The following CDK19 variants were observed in gnomAD, a reference collection of about 807,000 sequenced individuals.
CDK19 encodes cyclin-dependent kinase 19.
CDK19 carries 20 observed loss-of-function variants against 68.3 expected under a neutral mutation model. The observed-to-expected ratio is 0.29, with a 90% CI of 0.21 to 0.43. CDK19 has a LOEUF of 0.43. Among genes scored for constraint, CDK19 ranks in the 20% least tolerant of loss-of-function variants. CDK19 has a pLI of 1.00. For missense variants in CDK19, 339 were observed against 623.5 expected (o/e 0.54, Z 4.86); for synonymous variants, 221 against 222.8 (o/e 0.99, Z 0.07).
chr6:110,645,548 G>T (rs562932166), intron 4 of CDK19, among the ~76,000 whole-genome samples: 1 of 152,330 alleles, frequency 6.6e-6, no homozygotes, highest in African/African-American at 2.4e-5. Context: ...GAAAGTAGAA[G>T]TAGAAAGATA....
chr6:110,660,604 G>A (rs1257535052), intron 4 of CDK19, among the ~76,000 whole-genome samples: 4 of 149,814 alleles, frequency 2.7e-5, no homozygotes, highest in Admixed American at 2.7e-4. Context: ...CAGCAGGAAG[G>A]GGAGCTGAAA....
At chr6:110,646,456 C>A (rs1047575465) in intron 4 of CDK19, 2 of 1,493,300 alleles carry the variant, frequency 1.3e-6, no homozygotes, top group Non-Finnish European at 1.8e-6. Context: ...ACCGCCTCAT[C>A]CCTGAGGCCC....
rs147197667 is a variant in CDK19 at position 110,740,710 on chromosome 6, C to T, written c.204+5416G>A. The stretch of plus-strand genomic sequence containing the variant: ...TGAAATGTTCATTCCTAATTATTTC[C>T]GCCTTAAAATCCTCTCAGCTATGTG... On this transcript the variant is annotated intron_variant, in intron 2 of 12. Transcript: ENST00000368911. Among the ~76,000 whole-genome samples the T allele has an allele frequency of 1.2e-4, 18 of 152,116 alleles. 1 individual carries two copies. The East Asian group carries it at 3.1e-3, about 26-fold the overall frequency.
At chr6:110,749,274 T>A (rs933277039) in intron 1 of CDK19, among the ~76,000 whole-genome samples, 1 of 152,196 alleles carries the variant, frequency 6.6e-6, no homozygotes, top group African/African-American at 2.4e-5. Context: ...CTCTCAGCAG[T>A]CACAATGAAA....
At chr6:110,717,436 C>A (rs1582937449) in intron 2 of CDK19, among the ~76,000 whole-genome samples, 1 of 152,122 alleles carries the variant, frequency 6.6e-6, no homozygotes, top group East Asian at 1.9e-4. Context: ...GTAGTATATA[C>A]ATTTATACTA....
At chr6:110,791,394 G>A (rs1400191276) in intron 1 of CDK19, among the ~76,000 whole-genome samples, 1 of 152,032 alleles carries the variant, frequency 6.6e-6, no homozygotes, top group African/African-American at 2.4e-5. Context: ...TGATGGAAGG[G>A]TTGTAGATGT....
chr6:110,638,054 C>T (rs540461882), intron 5 of CDK19, among the ~76,000 whole-genome samples: 1 of 148,474 alleles, frequency 6.7e-6, no homozygotes, highest in East Asian at 1.9e-4. Context: ...ATAAATGATG[C>T]TGATTTTTTT....
intron 2 of CDK19, among the ~76,000 whole-genome samples, chr6:110,687,857 T>C (rs1245133023): frequency 6.6e-6 from 1 of 152,230 alleles, no homozygotes; most frequent in African/African-American, 2.4e-5. Flanking sequence ...TGTTTTGCAG[T>C]GCACCTAAGG....
intron 2 of CDK19, chr6:110,707,001 A>AAC (rs2114670398): frequency 7.0e-6 from 1 of 142,558 alleles, no homozygotes; most frequent in East Asian, 4.7e-4. Flanking sequence ...TTTACAGTTA[A>AAC]AAAAAAAAAA....
At chr6:110,720,908 T>C (rs1267046155) in intron 2 of CDK19, among the ~76,000 whole-genome samples, 5 of 151,320 alleles carry the variant, frequency 3.3e-5, no homozygotes, top group African/African-American at 1.2e-4. Flanking sequence ...TTACATGCTA[T>C]ACACGTCAAA....
At chr6:110,617,705 A>ACACACACACAC (rs1778422939) in intron 12 of CDK19, among the ~76,000 whole-genome samples, 4 of 143,914 alleles carry the variant, frequency 2.8e-5, no homozygotes, top group Admixed American at 6.9e-5. Flanking sequence ...ACACACACAC[A>ACACACACACAC]AATTAGCCGG....
chr6:110,736,139 C>T (rs1777235657), intron 2 of CDK19, among the ~76,000 whole-genome samples: 1 of 152,184 alleles, frequency 6.6e-6, no homozygotes, highest in East Asian at 1.9e-4. Context: ...GTTGGGAGTT[C>T]GAGACCAGCC....
intron 3 of CDK19, among the ~76,000 whole-genome samples, chr6:110,668,935 C>T (rs1038336727): frequency 5.3e-5 from 8 of 151,554 alleles, no homozygotes; most frequent in Non-Finnish European, 1.2e-4. Flanking sequence ...AGTAAAATGT[C>T]AGTTTATTGC....
At position 110,645,109 on chromosome 6, in the gene CDK19, T is replaced by A. The variant is rs553403078; in HGVS notation, c.457-6403A>T. 7.9e-5 allele frequency among the ~76,000 whole-genome samples: 12 copies of A among 152,252 alleles called. No homozygotes were observed. In the East Asian group the frequency reaches 1.2e-3, roughly 15 times the overall value. ...CAAAGGATACAATTAACTAGGATGA[T>A]CTAGAGAGCATATACACAACTTTCT... On this transcript the variant is annotated intron_variant, in intron 4 of 12. Coordinates refer to ENST00000368911, the MANE Select transcript of CDK19 (RefSeq NM_015076.5).
chr6:110,677,912 C>T (rs557904193), intron 2 of CDK19, among the ~76,000 whole-genome samples: 2 of 152,304 alleles, frequency 1.3e-5, no homozygotes, highest in South Asian at 2.1e-4. Flanking sequence ...TACAGTGGCA[C>T]GATCATAGCT....
intron 2 of CDK19, among the ~76,000 whole-genome samples, chr6:110,683,919 G>A (rs1772229275): frequency 6.6e-6 from 1 of 150,654 alleles, no homozygotes; most frequent in Non-Finnish European, 1.5e-5. Flanking sequence ...ACCTTGGCCA[G>A]GCTAGTCTCA....
Position 110,677,446 on chromosome 6 carries a change from G to A in CDK19, c.205-6905C>T, listed in dbSNP as rs1212412763. On this transcript the variant is annotated intron_variant, in intron 2 of 12. Transcript: ENST00000368911. Reference sequence around the variant, plus strand: ...CTGGGCGTGGTGGTGGGCACCTGTAGTCCCAGCTACTCCAGAGGCTGAGGC... The same window carrying A: ...CTGGGCGTGGTGGTGGGCACCTGTAATCCCAGCTACTCCAGAGGCTGAGGC... 2.6e-5 allele frequency among the ~76,000 whole-genome samples: 4 copies of A among 152,016 alleles called. No homozygotes were observed. The South Asian group carries it at 6.2e-4, about 24-fold the overall frequency.
chr6:110,723,135 C>CAAAAAA (rs760048229), intron 2 of CDK19, among the ~76,000 whole-genome samples: 2 of 65,486 alleles, frequency 3.1e-5, no homozygotes, highest in African/African-American at 9.8e-5. Context: ...AAGGCTTTGT[C>CAAAAAA]AAAAAAAACA....
At chr6:110,657,478 C>A (rs753692042) in intron 4 of CDK19, among the ~76,000 whole-genome samples, 6 of 152,132 alleles carry the variant, frequency 3.9e-5, no homozygotes, top group Non-Finnish European at 8.8e-5. Flanking sequence ...TATCAAAACT[C>A]ATCAATTTGT....
Sources: gnomAD v4.1 joint callset for allele counts (sites outside exome capture counted in the v4.1 genomes callset) on GRCh38, gnomAD v4.1.1 for gene constraint, MANE v1.5 for transcripts, NCBI Gene and HGNC (gene_info 2026-07-23, HGNC 2026-07-21) for gene names.